KIAA0319: variants seen among roughly 807,000 people sequenced by gnomAD.
KIAA0319 encodes the protein KIAA0319.
In KIAA0319, 83 loss-of-function variants were observed where a neutral mutation model predicts 108.4. The observed-to-expected ratio is 0.77, with a 90% CI of 0.64 to 0.92. KIAA0319 has a LOEUF of 0.92. Ranked by LOEUF, KIAA0319 falls within the 40% of genes least tolerant of loss-of-function variation. The pLI, the probability that KIAA0319 is intolerant of heterozygous loss-of-function variation, is 0.00. For missense variants in KIAA0319, 1,195 were observed against 1,322.4 expected (o/e 0.90, Z 1.49); for synonymous variants, 484 against 510.4 (o/e 0.95, Z 0.70).
intron 14 of KIAA0319, among the ~76,000 whole-genome samples, chr6:24,566,228 T>C (rs1003306611): frequency 2.6e-5 from 4 of 152,090 alleles, no homozygotes; most frequent in Non-Finnish European, 4.4e-5. Flanking sequence ...TATCTAGAAA[T>C]AGGACCTATA....
chr6:24,595,137 T>C (rs943054768), intron 3 of KIAA0319, among the ~76,000 whole-genome samples: 2 of 152,230 alleles, frequency 1.3e-5, no homozygotes, highest in African/African-American at 4.8e-5. Flanking sequence ...ATGTTGAGTT[T>C]CTAGCAGCCA....
At chr6:24,628,769 TC>T (rs1319952470) in intron 1 of KIAA0319, among the ~76,000 whole-genome samples, 1 of 152,118 alleles carries the variant, frequency 6.6e-6, no homozygotes, top group African/African-American at 2.4e-5. Flanking sequence ...TCCTCGGCGT[TC>T]CTTTGCTTGC....
At position 24,588,590 on chromosome 6, in the gene KIAA0319, T is replaced by C. The variant is rs187443377; in HGVS notation, c.994+3A>G. The C allele has an allele frequency of 1.1e-5, 18 of 1,608,502 alleles. No individual in the cohort carries two copies. The Admixed American group carries it at 3.0e-4, about 27-fold the overall frequency. ...TCTTGAAATTGTATTTTTTAAAAGT[T>C]ACCTGTCCTGGGAGCAGTGGTAGGA... On this transcript the variant is annotated splice_donor_region_variant and intron_variant, in intron 4 of 20. Coordinates refer to ENST00000378214, the MANE Select transcript of KIAA0319 (RefSeq NM_014809.4).
intron 5 of KIAA0319, chr6:24,583,145 G>A: frequency 1.0e-6 from 1 of 986,776 alleles, no homozygotes; most frequent in Non-Finnish European, 1.2e-6. Flanking sequence ...AGAAGAAAGA[G>A]CATTTTGAAT....
intron 3 of KIAA0319, among the ~76,000 whole-genome samples, chr6:24,589,211 AT>A (rs1768047304): frequency 6.6e-6 from 1 of 152,194 alleles, no homozygotes; most frequent in Non-Finnish European, 1.5e-5. Flanking sequence ...GCCTTCATAA[AT>A]GGGATTCGTG....
intron 2 of KIAA0319, among the ~76,000 whole-genome samples, chr6:24,597,822 A>G (rs928173266): frequency 1.3e-4 from 19 of 147,164 alleles, no homozygotes; most frequent in Non-Finnish European, 3.0e-5. Flanking sequence ...GGAGGCCAAC[A>G]TGGGAGGATT....
intron 1 of KIAA0319, among the ~76,000 whole-genome samples, chr6:24,637,204 T>G (rs1279302004): frequency 6.6e-6 from 1 of 152,190 alleles, no homozygotes; most frequent in African/African-American, 2.4e-5. Flanking sequence ...TGGCAACAGT[T>G]TTTTGAGATG....
At chr6:24,596,993 ATCTT>A (rs1274395126) in intron 2 of KIAA0319, among the ~76,000 whole-genome samples, 1 of 151,342 alleles carries the variant, frequency 6.6e-6, no homozygotes, top group Non-Finnish European at 1.5e-5. Context: ...CCATCCATCC[ATCTT>A]TCTATTCTTC....
chr6:24,604,234 T>C (rs553986357), intron 1 of KIAA0319, among the ~76,000 whole-genome samples: 1 of 152,310 alleles, frequency 6.6e-6, no homozygotes, highest in Non-Finnish European at 1.5e-5. Context: ...GTGAGGAAAG[T>C]ATGTTAGAGA....
chr6:24,549,369 C>T (rs1174474609), intron 20 of KIAA0319, among the ~76,000 whole-genome samples: 1 of 151,590 alleles, frequency 6.6e-6, no homozygotes, highest in Non-Finnish European at 1.5e-5. Flanking sequence ...CTGCCTTGCC[C>T]TTTGCACCAT....
intron 3 of KIAA0319, among the ~76,000 whole-genome samples, chr6:24,589,660 G>T (rs997095857): frequency 2.0e-5 from 3 of 152,220 alleles, no homozygotes; most frequent in Non-Finnish European, 2.9e-5. Flanking sequence ...ATGTGGAACT[G>T]TGAGTTACTT....
chr6:24,553,388 G>A (rs1380714747), intron 19 of KIAA0319, among the ~76,000 whole-genome samples: 1 of 144,564 alleles, frequency 6.9e-6, no homozygotes, highest in Non-Finnish European at 1.5e-5. Flanking sequence ...ACAGTTCCTG[G>A]CTAATAACTC....
intron 11 of KIAA0319, among the ~76,000 whole-genome samples, 195 bp from the exon 12 acceptor site, chr6:24,570,230 C>T (rs112528995): frequency 7.9e-4 from 121 of 152,320 alleles, no homozygotes; most frequent in African/African-American, 2.2e-3. Context: ...AAGTTCAAGA[C>T]TGCTGTTATA....
chr6:24,553,625 C>T (rs948213056), intron 19 of KIAA0319, among the ~76,000 whole-genome samples: 2 of 152,132 alleles, frequency 1.3e-5, no homozygotes, highest in Non-Finnish European at 2.9e-5. Context: ...CTGCCTCCTA[C>T]GAGGAGAATG....
At chr6:24,564,778 G>A (rs2760162) in intron 14 of KIAA0319, among the ~76,000 whole-genome samples, 7,587 of 152,212 alleles carry the variant, frequency 0.05, 428 homozygotes, top group African/African-American at 0.14. Flanking sequence ...CCTGTGTAGC[G>A]TCCTCTGTTC....
chr6:24,566,521 T>C, intron 14 of KIAA0319, 76 bp downstream of exon 14: 4 of 1,300,926 alleles, frequency 3.1e-6, no homozygotes, highest in Non-Finnish European at 4.2e-6. Context: ...TACCGTGATA[T>C]ATTGTTTGCA....
chr6:24,631,388 A>AT (rs1184468482), intron 1 of KIAA0319, among the ~76,000 whole-genome samples: 1 of 152,232 alleles, frequency 6.6e-6, no homozygotes, highest in Admixed American at 6.5e-5. Flanking sequence ...GATAAAACAG[A>AT]TAAGAGAACA....
intron 2 of KIAA0319, chr6:24,598,820 G>A: frequency 3.7e-6 from 1 of 267,064 alleles, no homozygotes; most frequent in South Asian, 4.5e-5. Context: ...AGGTTGCAGT[G>A]AGCCGAGATC....
chr6:24,573,332 G>C (rs956623148), intron 10 of KIAA0319, among the ~76,000 whole-genome samples: 5 of 152,140 alleles, frequency 3.3e-5, no homozygotes, highest in Non-Finnish European at 7.4e-5. Flanking sequence ...GCTGACTGAA[G>C]AACAGTCTAT....
Sources: allele counts gnomAD v4.1 joint callset (sites outside exome capture counted in the v4.1 genomes callset), GRCh38; gene constraint gnomAD v4.1.1; transcripts MANE v1.5; gene names NCBI Gene and HGNC (gene_info 2026-07-23, HGNC 2026-07-21).